ARL15: variants seen among roughly 807,000 people sequenced by gnomAD.
The protein encoded by ARL15 is ADP-ribosylation factor-like protein 15.
In ARL15, 19 loss-of-function variants were observed where a neutral mutation model predicts 25.2. That is an observed-to-expected ratio of 0.75 (90% CI 0.53 to 1.10). ARL15 has a LOEUF of 1.10. Ranked by LOEUF, ARL15 falls within the 50% of genes least tolerant of loss-of-function variation. The pLI is 0.00. For missense variants in ARL15, 220 were observed against 246.0 expected (o/e 0.89, Z 0.71); for synonymous variants, 94 against 86.8 (o/e 1.08, Z -0.46).
chr5:54,137,068 A>G (rs901271673), intron 3 of ARL15, among the ~76,000 whole-genome samples: 1 of 147,376 alleles, frequency 6.8e-6, no homozygotes, highest in Non-Finnish European at 1.5e-5. Flanking sequence ...TTTTTGCTTC[A>G]GGCTCCCCTA....
chr5:53,956,835 T>C (rs1163902754), intron 4 of ARL15, among the ~76,000 whole-genome samples: 1 of 152,062 alleles, frequency 6.6e-6, no homozygotes, highest in Non-Finnish European at 1.5e-5. Context: ...AGGGTTTTAA[T>C]AGCAGATGTG....
At chr5:54,282,030 T>C (rs1425284771) in intron 1 of ARL15, among the ~76,000 whole-genome samples, 1 of 152,232 alleles carries the variant, frequency 6.6e-6, no homozygotes, top group East Asian at 1.9e-4. Context: ...ACTAGGAACC[T>C]TTCCTACACA....
chr5:54,174,051 A>G (rs1363386307), intron 1 of ARL15, among the ~76,000 whole-genome samples: 1 of 152,144 alleles, frequency 6.6e-6, no homozygotes, highest in African/African-American at 2.4e-5. Context: ...CTGGGCTTTT[A>G]TAAATTCATT....
At chr5:54,125,310 A>C (rs1343055715) in intron 3 of ARL15, among the ~76,000 whole-genome samples, 1 of 152,090 alleles carries the variant, frequency 6.6e-6, no homozygotes, top group Admixed American at 6.5e-5. Context: ...TTGGGATTAC[A>C]GGCGTGAGCC....
chr5:53,965,238 T>C (rs918026283), intron 4 of ARL15, among the ~76,000 whole-genome samples: 23 of 152,184 alleles, frequency 1.5e-4, no homozygotes, highest in Non-Finnish European at 2.1e-4. Context: ...ATTATTAATA[T>C]CTCCTTTAGT....
At chr5:54,308,345 T>G (rs933302528) in intron 1 of ARL15, among the ~76,000 whole-genome samples, 2 of 152,230 alleles carry the variant, frequency 1.3e-5, no homozygotes, top group African/African-American at 4.8e-5. Flanking sequence ...CTGGCTTTTA[T>G]GGGGTTGGTC....
intron 4 of ARL15, among the ~76,000 whole-genome samples, chr5:54,061,148 T>C (rs912779820): frequency 1.3e-5 from 2 of 152,162 alleles, no homozygotes; most frequent in Admixed American, 6.5e-5. Flanking sequence ...AGGCCCAGGG[T>C]CCTCCAGCTG....
intron 4 of ARL15, among the ~76,000 whole-genome samples, chr5:54,091,828 G>C (rs1050141486): frequency 2.0e-5 from 3 of 152,056 alleles, no homozygotes; most frequent in African/African-American, 7.2e-5. Flanking sequence ...GCATCAGCTA[G>C]GGAATCTAGG....
chr5:54,155,585 T>C (rs552083667), intron 2 of ARL15, among the ~76,000 whole-genome samples: 1 of 152,258 alleles, frequency 6.6e-6, no homozygotes, highest in South Asian at 2.1e-4. Context: ...ATTCAGAGTA[T>C]ACAGTTCTAT....
intron 1 of ARL15, among the ~76,000 whole-genome samples, chr5:54,216,304 C>A (rs1196073178): frequency 6.6e-6 from 1 of 152,156 alleles, no homozygotes; most frequent in Non-Finnish European, 1.5e-5. Flanking sequence ...TTCATCCTCA[C>A]CACCCTGTGA....
intron 4 of ARL15, among the ~76,000 whole-genome samples, chr5:53,977,795 A>G (rs570724615): frequency 1.4e-4 from 22 of 152,276 alleles, no homozygotes; most frequent in African/African-American, 4.8e-4. Flanking sequence ...GGTGCTCTCT[A>G]TGCAGTGCTT....
intron 4 of ARL15, among the ~76,000 whole-genome samples, chr5:53,903,411 G>A (rs1211473154): frequency 6.6e-6 from 1 of 152,162 alleles, no homozygotes; most frequent in Non-Finnish European, 1.5e-5. Context: ...AGCAGAGCAG[G>A]TGGTTACTAC....
At chr5:54,141,179 A>G (rs957715418) in intron 3 of ARL15, among the ~76,000 whole-genome samples, 1 of 152,108 alleles carries the variant, frequency 6.6e-6, no homozygotes, top group African/African-American at 2.4e-5. Flanking sequence ...TGCTGTACAC[A>G]GACAGATCAA....
At chr5:54,112,048 CG>C (rs1392243120) in intron 4 of ARL15, among the ~76,000 whole-genome samples, 1 of 152,034 alleles carries the variant, frequency 6.6e-6, no homozygotes, top group Non-Finnish European at 1.5e-5. Context: ...AAAGGTGCTA[CG>C]TACTTAATGC....
intron 1 of ARL15, among the ~76,000 whole-genome samples, chr5:54,272,847 G>A (rs1757824947): frequency 6.6e-6 from 1 of 152,116 alleles, no homozygotes; most frequent in Non-Finnish European, 1.5e-5. Context: ...TAATATGCTT[G>A]CAATTATAGC....
At chr5:54,137,965 A>C (rs1753656596) in intron 3 of ARL15, among the ~76,000 whole-genome samples, 1 of 152,128 alleles carries the variant, frequency 6.6e-6, no homozygotes, top group African/African-American at 2.4e-5. Flanking sequence ...AGAATTTTAG[A>C]GTCAAAGTAT....
At chr5:54,043,359 G>C (rs533064000) in intron 4 of ARL15, among the ~76,000 whole-genome samples, 1 of 152,122 alleles carries the variant, frequency 6.6e-6, no homozygotes, top group South Asian at 2.1e-4. Flanking sequence ...CTCTCAATAA[G>C]GCTCTGAGTG....
chr5:54,084,887 A>G (rs1751915529), intron 4 of ARL15, among the ~76,000 whole-genome samples: 1 of 152,220 alleles, frequency 6.6e-6, no homozygotes, highest in South Asian at 2.1e-4. Flanking sequence ...TAAAGGGACA[A>G]ACATGATATG....
chr5:54,310,171 T>G (rs754523622), intron 1 of ARL15: 131 of 427,406 alleles, frequency 3.1e-4, no homozygotes, highest in Non-Finnish European at 4.8e-4. Context: ...CCGCCCCATC[T>G]CTCAAGCAGC....
Sources: allele counts gnomAD v4.1 joint callset (sites outside exome capture counted in the v4.1 genomes callset), GRCh38; gene constraint gnomAD v4.1.1; transcripts MANE v1.5; gene names NCBI Gene and HGNC (gene_info 2026-07-23, HGNC 2026-07-21).